The following BARX2 variants were observed in gnomAD, a reference collection of about 807,000 sequenced individuals.
BARX2 encodes homeobox protein BarH-like 2.
In BARX2, 11 loss-of-function variants were observed where a neutral mutation model predicts 25.5. The observed-to-expected ratio is 0.43, with a 90% CI of 0.27 to 0.71. The LOEUF is 0.71. BARX2 is among the 30% of genes least tolerant of loss of function. The probability of loss-of-function intolerance (pLI) is 0.19; values close to 1 mark genes in which losing one functional copy is unlikely to be tolerated. For missense variants in BARX2, 360 were observed against 359.9 expected (o/e 1.00, Z 0.00); for synonymous variants, 137 against 149.5 (o/e 0.92, Z 0.61).
intron 2 of BARX2, 40 bp downstream of exon 2, chr11:129,437,091 C>T (rs1185964004): frequency 7.4e-6 from 11 of 1,495,016 alleles, no homozygotes; most frequent in Non-Finnish European, 8.0e-6. Context: ...GTGAAGGCCC[C>T]TGGGAACGGG....
intron 1 of BARX2, among the ~76,000 whole-genome samples, chr11:129,432,887 A>G (rs1862145328): frequency 6.6e-6 from 1 of 152,044 alleles, no homozygotes; most frequent in Non-Finnish European, 1.5e-5. Flanking sequence ...TCCCCTCCTC[A>G]GTGTCTTTGG....
chr11:129,446,500 G>A (rs1453779857), intron 3 of BARX2, among the ~76,000 whole-genome samples: 4 of 152,128 alleles, frequency 2.6e-5, no homozygotes, highest in Non-Finnish European at 5.9e-5. Flanking sequence ...TGTAAAACAC[G>A]TAAATAGGAC....
At chr11:129,417,194 C>A (rs1281358132) in intron 1 of BARX2, among the ~76,000 whole-genome samples, 2 of 152,162 alleles carry the variant, frequency 1.3e-5, no homozygotes, top group Non-Finnish European at 2.9e-5. Context: ...AGCCACCGTG[C>A]CTGGCCCAGT....
chr11:129,437,856 G>A (rs61911240), intron 2 of BARX2: 21,980 of 151,760 alleles, frequency 0.14, 1,596 homozygotes, highest in Middle Eastern at 0.18. Flanking sequence ...GTGAGACCCC[G>A]TCTCTACAAA....
At chr11:129,407,285 G>A (rs937112278) in intron 1 of BARX2, among the ~76,000 whole-genome samples, 1 of 152,188 alleles carries the variant, frequency 6.6e-6, no homozygotes, top group African/African-American at 2.4e-5. Context: ...AGAAACCTCA[G>A]TTGAGCACCT....
At chr11:129,445,001 AAAAAAT>A (rs1462199395) in intron 3 of BARX2, among the ~76,000 whole-genome samples, 1 of 149,932 alleles carries the variant, frequency 6.7e-6, no homozygotes, top group Non-Finnish European at 1.5e-5. Context: ...ACTCCGTCTC[AAAAAAT>A]AAAAATAAAA....
At chr11:129,412,288 C>CA (rs1861897996) in intron 1 of BARX2, among the ~76,000 whole-genome samples, 1 of 150,430 alleles carries the variant, frequency 6.6e-6, no homozygotes, top group African/African-American at 2.4e-5. Context: ...AAAAAACAAA[C>CA]AAAAAAAGAA....
At chr11:129,442,536 A>C (rs768166133) in intron 2 of BARX2, among the ~76,000 whole-genome samples, 1 of 152,100 alleles carries the variant, frequency 6.6e-6, no homozygotes, top group Non-Finnish European at 1.5e-5. Flanking sequence ...CAGGAAAAGG[A>C]CTGTGTGATG....
intron 1 of BARX2, among the ~76,000 whole-genome samples, chr11:129,402,184 C>T (rs541160229): frequency 1.3e-5 from 2 of 152,128 alleles, no homozygotes; most frequent in East Asian, 3.9e-4. Context: ...CTCAGGGTTT[C>T]CTTAAGAGGC....
chr11:129,436,454 C>G lies in BARX2; in HGVS notation c.188-297C>G, dbSNP rs1413516331. ...TTTTCATCTGCCTGGTCCCATGGAC[C>G]AAGAATTTAGGGATTCCGAAGGGAG... On this transcript the variant is annotated intron_variant, in intron 1 of 3. Transcript: ENST00000281437. The surrounding 1 kb of genome is among the most constrained non-coding windows in gnomAD (Gnocchi z 4.5). 2.7e-6 allele frequency: 1 copy of G among 365,356 alleles called. No individual in the cohort carries two copies. Among genetic ancestry groups the G allele is most frequent in the Non-Finnish European group, 4.9e-6 (1 of 204,924 alleles). The allele number at this position is 365,356 out of a possible 1,614,324, so 22.6% of individuals were successfully genotyped here. A position where few individuals can be genotyped will look rare whatever the true frequency, so the allele number is the denominator to read the frequency against.
chr11:129,427,107 C>T (rs1426834718), intron 1 of BARX2, among the ~76,000 whole-genome samples: 2 of 152,284 alleles, frequency 1.3e-5, no homozygotes, highest in East Asian at 1.9e-4. Context: ...TAATTTGGCT[C>T]AATCACTGAG....
chr11:129,399,819 G>A (rs1861758148), intron 1 of BARX2, among the ~76,000 whole-genome samples: 2 of 152,172 alleles, frequency 1.3e-5, no homozygotes, highest in South Asian at 4.2e-4. Context: ...CCATGGAAAG[G>A]GGTGGTACCT....
chr11:129,387,104 C>T lies in BARX2; in HGVS notation c.187+10882C>T, dbSNP rs149174277. Among the ~76,000 whole-genome samples the T allele has an allele frequency of 6.1e-3, 930 of 152,314 alleles. 5 individuals are homozygous for T. Among genetic ancestry groups the T allele is most frequent in the Non-Finnish European group, 9.0e-3 (609 of 68,030 alleles). ...CAAAGTCCTTCTGCATTTTATTATA[C>T]GCAGATAGTCGCACACTCTGGCTGG... On this transcript the variant is annotated intron_variant, in intron 1 of 3. Coordinates refer to ENST00000281437, the MANE Select transcript of BARX2 (RefSeq NM_003658.5).
At position 129,451,245 on chromosome 11, in the gene BARX2, C is replaced by G; in HGVS notation, c.683C>G (p.Ala228Gly). 6.2e-7 allele frequency: 1 copy of G among 1,614,162 alleles called. No individual in the cohort carries two copies. The highest frequency in any genetic ancestry group is 1.3e-5 in the African/African-American group (1 of 75,010). Residue 228 changes from alanine to glycine, a missense_variant, in exon 4 of 4, where the codon GCC becomes GGC. By Grantham distance (60) the Ala-to-Gly change is moderately conservative (BLOSUM62 0). Around this residue, in one of 3 missense-constraint regions of BARX2, gnomAD observed 114 missense variants for 109.4 expected, o/e 1.04. Transcript: ENST00000281437. Reference sequence around the variant, plus strand: ...GCTGAAGAGAAGATGAACAGCCAGGCCCAGGGTCAGGAGCAGCTGGAGCCC... The same window carrying G: ...GCTGAAGAGAAGATGAACAGCCAGGGCCAGGGTCAGGAGCAGCTGGAGCCC... ...IEAEEKMNSQ[A>G]QGQEQLEPSQ...
intron 2 of BARX2, among the ~76,000 whole-genome samples, chr11:129,438,479 C>G (rs544608445): frequency 3.9e-5 from 6 of 152,132 alleles, no homozygotes; most frequent in Non-Finnish European, 8.8e-5. Flanking sequence ...CTTGGACATA[C>G]CAGGTTGGAC....
At chr11:129,438,753 A>G (rs1223000457) in intron 2 of BARX2, among the ~76,000 whole-genome samples, 2 of 152,196 alleles carry the variant, frequency 1.3e-5, no homozygotes, top group African/African-American at 4.8e-5. Flanking sequence ...TGGGGAAGGA[A>G]CGACTACAGG....
chr11:129,377,564 T>G (rs904457096), intron 1 of BARX2, among the ~76,000 whole-genome samples: 3 of 152,200 alleles, frequency 2.0e-5, no homozygotes, highest in Non-Finnish European at 4.4e-5. Context: ...ATAAGAAATT[T>G]TAGAAACAAG....
intron 1 of BARX2, among the ~76,000 whole-genome samples, chr11:129,378,387 C>T (rs1286534001): frequency 6.6e-6 from 1 of 152,126 alleles, no homozygotes; most frequent in Non-Finnish European, 1.5e-5. Flanking sequence ...TTAGTGTCTT[C>T]TCAGGGGTTT....
At chr11:129,450,594 T>C (rs1862386249) in intron 3 of BARX2, among the ~76,000 whole-genome samples, 1 of 152,236 alleles carries the variant, frequency 6.6e-6, no homozygotes, top group South Asian at 2.1e-4. Flanking sequence ...CTTTTGCTGT[T>C]ATAACCAATA....
Sources: gnomAD v4.1 joint callset for allele counts (sites outside exome capture counted in the v4.1 genomes callset) on GRCh38, gnomAD v4.1.1 for gene constraint, gnomAD v4.1.1 regional missense constraint, Gnocchi (gnomAD v3.1) non-coding constraint, MANE v1.5 for transcripts, NCBI Gene and HGNC (gene_info 2026-07-23, HGNC 2026-07-21) for gene names.